Variants in ACSM1 observed in about 807,000 individuals in gnomAD.
ACSM1 encodes acyl-CoA synthetase medium chain family member 1, also known as acyl-coenzyme A synthetase ACSM1, mitochondrial.
A neutral mutation model predicts 75.8 loss-of-function variants in ACSM1; 79 were observed. That is an observed-to-expected ratio of 1.04 (90% confidence interval 0.87 to 1.26). The LOEUF (loss-of-function observed/expected upper bound fraction) is 1.26. Ranked by LOEUF, ACSM1 falls within the 50% of genes most tolerant of loss-of-function variation. ACSM1 has a pLI of 0.00. For missense variants in ACSM1, 676 were observed against 720.1 expected (o/e 0.94, Z 0.70); for synonymous variants, 279 against 265.8 (o/e 1.05, Z -0.48).
At chr16:20,679,608 G>C (rs2079395209) in intron 4 of ACSM1, 1 of 152,068 alleles carries the variant, frequency 6.6e-6, no homozygotes, top group African/African-American at 2.4e-5. Flanking sequence ...TACCATTTCT[G>C]CCTATACTAG....
chr16:20,669,100 T>C (rs2019731461), intron 6 of ACSM1, among the ~76,000 whole-genome samples: 1 of 151,794 alleles, frequency 6.6e-6, no homozygotes, highest in Non-Finnish European at 1.5e-5. Flanking sequence ...AAAGAAAATG[T>C]TGGGGTGAAG....
In ACSM1 at chr16:20,673,705, T is replaced by C. The variant is rs1264341053; in HGVS notation, c.612-2034A>G. 2.6e-5 allele frequency among the ~76,000 whole-genome samples: 4 copies of C among 152,138 alleles called. No individual in the cohort carries two copies. The East Asian group carries it at 5.8e-4, about 22-fold the overall frequency. The stretch of plus-strand genomic sequence containing the variant: ...TCCCAAAGCTACCTATAAGCCATAG[T>C]TGGCAATTCCATTTTTCTTGGGGTC... On this transcript the variant is annotated intron_variant, in intron 4 of 13. Transcript: ENST00000520010.
At chr16:20,695,397 A>G (rs969641439) in intron 1 of ACSM1, among the ~76,000 whole-genome samples, 1 of 152,236 alleles carries the variant, frequency 6.6e-6, no homozygotes, top group African/African-American at 2.4e-5. Context: ...TTGCTAGTTA[A>G]CACACTTTAT....
intron 7 of ACSM1, among the ~76,000 whole-genome samples, chr16:20,641,572 C>G (rs1334992190): frequency 6.6e-6 from 1 of 152,242 alleles, no homozygotes; most frequent in Non-Finnish European, 1.5e-5. Context: ...CTTTTGACCT[C>G]CTCATTCTCA....
intron 7 of ACSM1, among the ~76,000 whole-genome samples, chr16:20,652,043 A>T (rs1420190890): frequency 6.6e-6 from 1 of 152,254 alleles, no homozygotes; most frequent in African/African-American, 2.4e-5. Context: ...TAAATACTGA[A>T]TTATTGGTAT....
chr16:20,641,060 G>A (rs1012619845), intron 7 of ACSM1, among the ~76,000 whole-genome samples: 1 of 152,190 alleles, frequency 6.6e-6, no homozygotes, highest in African/African-American at 2.4e-5. Flanking sequence ...GCATGTTAGG[G>A]ATTGGAAGTG....
At chr16:20,647,146 G>C (rs1270769919) in intron 7 of ACSM1, among the ~76,000 whole-genome samples, 1 of 152,218 alleles carries the variant, frequency 6.6e-6, no homozygotes, top group Non-Finnish European at 1.5e-5. Context: ...TGTTTCAGTA[G>C]ATTTACTAAC....
intron 6 of ACSM1, among the ~76,000 whole-genome samples, chr16:20,663,197 T>C (rs941796566): frequency 1.3e-5 from 2 of 152,166 alleles, no homozygotes; most frequent in Admixed American, 1.3e-4. Context: ...CCCAGGCTCA[T>C]AAATATGTTC....
intron 6 of ACSM1, among the ~76,000 whole-genome samples, chr16:20,665,739 A>G (rs187718718): frequency 5.3e-5 from 8 of 152,306 alleles, no homozygotes; most frequent in African/African-American, 1.9e-4. Context: ...ATTCTCAACA[A>G]AATACTAGTA....
At chr16:20,634,922 G>GT (rs1343282897) in intron 10 of ACSM1, among the ~76,000 whole-genome samples, 3 of 152,146 alleles carry the variant, frequency 2.0e-5, no homozygotes, top group Admixed American at 6.5e-5. Flanking sequence ...CTTCTTGGTA[G>GT]TAAGTAGCCT....
Position 20,677,504 on chromosome 16 carries a change from G to A in ACSM1, c.611+4752C>T, listed in dbSNP as rs147409534. On this transcript the variant is annotated intron_variant, in intron 4 of 13. Coordinates refer to ENST00000520010, the MANE Select transcript of ACSM1 (RefSeq NM_001318890.3). ...TAGAGACTGTGAATACCCTAAACCC[G>A]GCTACCTTGCTCCTCATCAAGTCAG... Among the ~76,000 whole-genome samples the A allele has an allele frequency of 5.8e-3, 889 of 152,256 alleles. 11 individuals carry two copies. The highest frequency in any genetic ancestry group is 0.02 in the African/African-American group (838 of 41,522).
chr16:20,664,000 C>G (rs778301321), intron 6 of ACSM1, among the ~76,000 whole-genome samples: 1 of 152,018 alleles, frequency 6.6e-6, no homozygotes, highest in African/African-American at 2.4e-5. Flanking sequence ...AAGTTGTAAT[C>G]TATGACTACT....
chr16:20,686,936 A>T (rs941180913), intron 2 of ACSM1, among the ~76,000 whole-genome samples: 40 of 152,278 alleles, frequency 2.6e-4, no homozygotes, highest in Non-Finnish European at 2.5e-4. Flanking sequence ...TAAAAAGGAA[A>T]AAAATGAAAA....
rs2152319381 is a variant in ACSM1 at position 20,685,360 on chromosome 16, C to T, written c.236G>A (p.Gly79Asp). Residue 79 changes from glycine (G) to aspartate (D), a missense_variant, in exon 3 of 14, where the codon GGC (glycine) becomes GAC (aspartate). By Grantham distance (94) the Gly-to-Asp change is moderately conservative. Transcript: ENST00000520010. ...GCTCCACTTTACTTCATCCCCTTGG[C>T]CATTCACCCACCAAAAAGCTGGATT... ...GPNPAFWWVN[G>D]QGDEVKWSFR... The T allele has an allele frequency of 6.2e-7, 1 of 1,614,200 alleles. No individual in the cohort carries two copies.
chr16:20,626,918 T>A (rs1236205831), intron 11 of ACSM1, among the ~76,000 whole-genome samples: 1 of 152,114 alleles, frequency 6.6e-6, no homozygotes, highest in East Asian at 1.9e-4. Context: ...GTCTCCCTTC[T>A]CAATTCCACT....
intron 4 of ACSM1, among the ~76,000 whole-genome samples, chr16:20,672,495 TAA>T (rs1555473809): frequency 0.013 from 1,243 of 93,044 alleles, 26 homozygotes; most frequent in African/African-American, 0.044. Flanking sequence ...TATATATATA[TAA>T]AAAACATATT....
chr16:20,666,227 A>T (rs2019559415), intron 6 of ACSM1, among the ~76,000 whole-genome samples: 1 of 152,204 alleles, frequency 6.6e-6, no homozygotes, highest in Non-Finnish European at 1.5e-5. Context: ...ATACATTAAA[A>T]AACCCTAAAA....
At chr16:20,694,645 A>G (rs1426819590) in intron 1 of ACSM1, among the ~76,000 whole-genome samples, 2 of 152,206 alleles carry the variant, frequency 1.3e-5, no homozygotes, top group African/African-American at 4.8e-5. Flanking sequence ...CTAAGTGACT[A>G]AAGACCAAAA....
intron 7 of ACSM1, among the ~76,000 whole-genome samples, chr16:20,641,750 T>C (rs547621863): frequency 6.6e-6 from 1 of 152,314 alleles, no homozygotes; most frequent in East Asian, 1.9e-4. Flanking sequence ...CAACCTGGTG[T>C]TGGGCCTGAT....
Sources: allele counts gnomAD v4.1 joint callset (sites outside exome capture counted in the v4.1 genomes callset), GRCh38; gene constraint gnomAD v4.1.1; transcripts MANE v1.5; gene names NCBI Gene and HGNC (gene_info 2026-07-23, HGNC 2026-07-21).